Variants in SCUBE2 observed in about 807,000 individuals in gnomAD.
SCUBE2 encodes the protein signal peptide, CUB and EGF-like domain-containing protein 2.
A neutral mutation model predicts 125.9 loss-of-function variants in SCUBE2; 114 were observed. That is an observed-to-expected ratio of 0.91 (90% CI 0.78 to 1.06). The LOEUF (loss-of-function observed/expected upper bound fraction) is 1.06, where lower values mean the gene tolerates loss of function less well. Ranked by LOEUF, SCUBE2 falls within the 50% of genes least tolerant of loss-of-function variation. The pLI is 0.00. For synonymous variants in SCUBE2, 459 were observed against 492.9 expected, an observed-to-expected ratio of 0.93 and a Z score of 0.91; for missense variants, 1,255 against 1,301.8, an observed-to-expected ratio of 0.96 and a Z score of 0.55.
chr11:9,038,633 AAAC>A (rs759443187), intron 16 of SCUBE2, among the ~76,000 whole-genome samples: 2 of 152,186 alleles, frequency 1.3e-5, no homozygotes, highest in Non-Finnish European at 2.9e-5. Flanking sequence ...ACAAACAAAC[AAAC>A]ACAAAACAAC....
chr11:9,030,286 T>C, intron 18 of SCUBE2: 1 of 543,398 alleles, frequency 1.8e-6, no homozygotes, highest in East Asian at 3.2e-5. Flanking sequence ...TTATGGTTCA[T>C]GCAGAGTCAG....
intron 4 of SCUBE2, among the ~76,000 whole-genome samples, chr11:9,073,481 G>A (rs767954764): frequency 2.6e-5 from 4 of 152,108 alleles, no homozygotes; most frequent in Non-Finnish European, 5.9e-5. Context: ...GCCATCCTTG[G>A]AAAATGAGAC....
intron 7 of SCUBE2, among the ~76,000 whole-genome samples, chr11:9,065,423 T>C (rs1860117082): frequency 6.6e-6 from 1 of 152,186 alleles, no homozygotes; most frequent in African/African-American, 2.4e-5. Flanking sequence ...GCTTCCCCTT[T>C]GCCTTCCACC....
chr11:9,053,084 C>T lies in SCUBE2; in HGVS notation c.1447+15G>A, dbSNP rs774973277. On this transcript the variant is annotated intron_variant, in intron 12 of 22. Transcript: ENST00000649792. ...CCAGTGTGAGGACCTGCCCCGGGAA[C>T]TGGGCCCCACTCACCTGAAGAGAGG... The T allele has an allele frequency of 1.9e-6, 3 of 1,608,312 alleles. No homozygotes were observed. The highest frequency in any genetic ancestry group is 2.6e-6 in the Non-Finnish European group (3 of 1,174,804).
At chr11:9,068,218 T>C (rs1454217084) in intron 5 of SCUBE2, among the ~76,000 whole-genome samples, 1 of 152,152 alleles carries the variant, frequency 6.6e-6, no homozygotes, top group Non-Finnish European at 1.5e-5. Context: ...GCAGGGGTCT[T>C]CTGTCCATGG....
rs113498188 is a variant in SCUBE2, at chr11:9,022,316, C to T, written c.2855-361G>A. 8.1e-3 allele frequency among the ~76,000 whole-genome samples: 1,240 copies of T among 152,236 alleles called. 7 individuals carry two copies. Among genetic ancestry groups the T allele is most frequent in the African/African-American group, 0.028 (1,181 of 41,526 alleles). On this transcript the variant is annotated intron_variant, in intron 21 of 22. Coordinates refer to ENST00000649792, the MANE Select transcript of SCUBE2 (RefSeq NM_001367977.2). ...TACATGATACATTTTTCTCTCTATTCGTCTCTCCCACCAGCATGCAAAAAT... is the reference window on the plus strand; with the variant it reads ...TACATGATACATTTTTCTCTCTATTTGTCTCTCCCACCAGCATGCAAAAAT...
intron 14 of SCUBE2, among the ~76,000 whole-genome samples, chr11:9,048,425 C>T (rs941363154): frequency 7.9e-5 from 12 of 152,200 alleles, no homozygotes; most frequent in South Asian, 4.1e-4. Context: ...GGTTTGCTAA[C>T]GTGTGCTTAC....
Position 9,089,731 on chromosome 11 carries a change from G to A in SCUBE2, c.232C>T (p.Gln78Ter). Residue 78 changes from glutamine (Q) to a stop codon, truncating the protein, a stop_gained, in exon 2 of 23, where the codon CAA becomes TAA. Coordinates refer to ENST00000649792, the MANE Select transcript of SCUBE2 (RefSeq NM_001367977.2). LOFTEE classifies it high-confidence loss of function. ...SYKCSCKPGY[Q>*]GEGRQCEDID... is the part of the protein sequence containing the mutation. Reference sequence around the variant, plus strand: ...CCCTCACACTGCCTGCCTTCCCCTTGGTAGCCAGGCTTGCAGGAGCACTTG... The same window carrying A: ...CCCTCACACTGCCTGCCTTCCCCTTAGTAGCCAGGCTTGCAGGAGCACTTG... 2 of 1,613,766 alleles carry A rather than the reference G, an allele frequency of 1.2e-6. No homozygotes were observed. The highest frequency in any genetic ancestry group is 1.7e-6 in the Non-Finnish European group (2 of 1,179,838).
At chr11:9,079,781 A>G (rs1272712140) in intron 2 of SCUBE2, among the ~76,000 whole-genome samples, 1 of 152,204 alleles carries the variant, frequency 6.6e-6, no homozygotes, top group Admixed American at 6.5e-5. Context: ...TAAAAAAAAG[A>G]GAGAATGAGG....
chr11:9,054,725 A>ATATATATATATATATTTT (rs1368153935), intron 10 of SCUBE2, among the ~76,000 whole-genome samples: 2 of 22,348 alleles, frequency 8.9e-5, no homozygotes, highest in Non-Finnish European at 1.4e-4. Context: ...ATATATATAT[A>ATATATATATATATATTTT]TTTTTTTTTT....
At chr11:9,027,203 C>T in intron 20 of SCUBE2, 161 bp downstream of exon 20, 1 of 673,870 alleles carries the variant, frequency 1.5e-6, no homozygotes. Flanking sequence ...GTGTGGCTTT[C>T]ATTTAAATTT....
chr11:9,074,763 T>C, intron 3 of SCUBE2, 148 bp from the exon 4 acceptor site: 2 of 951,648 alleles, frequency 2.1e-6, no homozygotes, highest in Non-Finnish European at 3.2e-6. Flanking sequence ...GCCGGTAAGG[T>C]CCACAGACAA....
At position 9,048,095 on chromosome 11, in the gene SCUBE2, T is replaced by A; in HGVS notation, c.1643A>T (p.Lys548Met). 6.2e-7 allele frequency: 1 copy of A among 1,605,958 alleles called. No homozygotes were observed. Among genetic ancestry groups the A allele is most frequent in the South Asian group, 1.1e-5 (1 of 90,218 alleles). ...GAAGCTCTCTTTTACTGAGCTGTGC[T>A]TCTCTGTATGAAGAAACAAAATTAT... ...PEGLRPALPE[K>M]HSSVKESFRY... The change falls in exon 15 of 23, where the codon AAG becomes ATG. Residue 548 changes from lysine to methionine, a missense_variant. Physicochemically the swap from Lys to Met is moderately conservative, Grantham distance 95. This residue lies in a region of SCUBE2 where 378 missense variants were observed against 463.1 expected (regional missense o/e 0.82). Transcript: ENST00000649792.
In SCUBE2 at chr11:9,055,862, T is replaced by A; in HGVS notation, c.1138A>T (p.Asn380Tyr). The change falls in exon 10 of 23, where the codon AAC (asparagine) becomes TAC (tyrosine). Residue 380 changes from asparagine (N) to tyrosine (Y), a missense_variant. Asn to Tyr is a moderately radical substitution (Grantham distance 143, BLOSUM62 -2). This residue lies in a region of SCUBE2 where 378 missense variants were observed against 463.1 expected (regional missense o/e 0.82). Coordinates refer to ENST00000649792, the MANE Select transcript of SCUBE2 (RefSeq NM_001367977.2). ...GCACAAGCAAATGTGCCAGGGTGGT[T>A]GATGCAGCTGTGGTCACAGGTCCTA... ...LDRTCDHSCI[N>Y]HPGTFACACN... 1 of 1,614,206 alleles carries A rather than the reference T, an allele frequency of 6.2e-7. No individual in the cohort carries two copies. The highest frequency in any genetic ancestry group is 8.5e-7 in the Non-Finnish European group (1 of 1,180,040).
At chr11:9,077,365 A>G (rs1316941756) in intron 3 of SCUBE2, among the ~76,000 whole-genome samples, 1 of 152,186 alleles carries the variant, frequency 6.6e-6, no homozygotes, top group Non-Finnish European at 1.5e-5. Context: ...AGACACTCCA[A>G]AAATAGAAAC....
At chr11:9,071,524 G>A (rs1049749442) in intron 4 of SCUBE2, among the ~76,000 whole-genome samples, 5 of 152,182 alleles carry the variant, frequency 3.3e-5, no homozygotes, top group Admixed American at 1.3e-4. Context: ...CTGCTGGGGT[G>A]AGCAGATTAA....
In SCUBE2 at chr11:9,047,527, C is replaced by G; in HGVS notation, c.1831G>C (p.Glu611Gln). 4 of 1,614,028 alleles carry G rather than the reference C, an allele frequency of 2.5e-6. No homozygotes were observed. The highest frequency in any genetic ancestry group is 3.4e-6 in the Non-Finnish European group (4 of 1,180,036). The change falls in exon 16 of 23, where the codon GAG (glutamate) becomes CAG (glutamine). Residue 611 changes from glutamate (E) to glutamine (Q), a missense_variant. Around this residue, in one of 3 missense-constraint regions of SCUBE2, gnomAD observed 378 missense variants for 463.1 expected, o/e 0.82. Coordinates refer to ENST00000649792, the MANE Select transcript of SCUBE2 (RefSeq NM_001367977.2). ...CGGATGGCTTTACGGAGCCGCTTCT[C>G]GGTTCGCTTTACGATGCAGCTCAGG... ...CDLSCIVKRT[E>Q]KRLRKAIRTL...
At chr11:9,082,858 T>C (rs964862580) in intron 2 of SCUBE2, among the ~76,000 whole-genome samples, 3 of 152,206 alleles carry the variant, frequency 2.0e-5, no homozygotes, top group African/African-American at 4.8e-5. Context: ...ACGGGGAATC[T>C]TACTGAGATG....
chr11:9,055,886 T>C lies in SCUBE2; in HGVS notation c.1114A>G (p.Arg372Gly). 1.2e-6 allele frequency: 2 copies of C among 1,614,042 alleles called. No individual in the cohort carries two copies. Among genetic ancestry groups the C allele is most frequent in the East Asian group, 4.5e-5 (2 of 44,902 alleles). The change falls in exon 10 of 23, where the codon AGG becomes GGG. Residue 372 changes from arginine to glycine, a missense_variant. Physicochemically the swap from Arg to Gly is moderately radical, Grantham distance 125. Transcript: ENST00000649792. The stretch of plus-strand genomic sequence containing the variant: ...TTGATGCAGCTGTGGTCACAGGTCC[T>C]ATCCAAAGAGCACTCATCCACATCT... ...CQDVDECSLD[R>G]TCDHSCINHP...
Sources: gnomAD v4.1 joint callset for allele counts (sites outside exome capture counted in the v4.1 genomes callset) on GRCh38, gnomAD v4.1.1 for gene constraint, gnomAD v4.1.1 regional missense constraint, MANE v1.5 for transcripts, NCBI Gene and HGNC (gene_info 2026-07-23, HGNC 2026-07-21) for gene names.